Variants in CACNA2D3 observed in about 807,000 individuals in gnomAD.
The protein encoded by CACNA2D3 is voltage-dependent calcium channel subunit alpha-2/delta-3.
CACNA2D3 carries 60 observed loss-of-function variants against 160.6 expected under a neutral mutation model. The observed-to-expected ratio is 0.37, with a 90% confidence interval of 0.30 to 0.46. CACNA2D3 has a LOEUF of 0.46. Among genes scored for constraint, CACNA2D3 ranks in the 20% least tolerant of loss-of-function variants. CACNA2D3 has a pLI of 1.00. For missense variants in CACNA2D3, 1,205 were observed against 1,365.0 expected (o/e 0.88, Z 1.85); for synonymous variants, 558 against 492.9 (o/e 1.13, Z -1.75).
chr3:54,932,210 A>G (rs959871396), intron 27 of CACNA2D3, among the ~76,000 whole-genome samples: 15 of 152,158 alleles, frequency 9.9e-5, no homozygotes, highest in African/African-American at 3.6e-4. Flanking sequence ...AAAAAGAATA[A>G]TTAGAACTAA....
rs3796235 is a variant in CACNA2D3 at position 54,954,246 on chromosome 3, C to T, written c.2450-14204C>T. Among the ~76,000 whole-genome samples, 65 of 152,330 alleles carry T rather than the reference C, an allele frequency of 4.3e-4. 1 individual carries two copies. The East Asian group carries it at 0.012, about 29-fold the overall frequency. ...CCTCATTCCAAGGGAAGGTCACCTT[C>T]GAGTCAGTCGGCAGCTCCCTGGGCC... is the stretch of plus-strand genomic sequence containing the variant. On this transcript the variant is annotated intron_variant, in intron 27 of 37. Coordinates refer to ENST00000474759, the MANE Select transcript of CACNA2D3 (RefSeq NM_018398.3).
intron 29 of CACNA2D3, among the ~76,000 whole-genome samples, chr3:54,980,170 A>G (rs577776759): frequency 6.6e-6 from 1 of 152,302 alleles, no homozygotes; most frequent in African/African-American, 2.4e-5. Flanking sequence ...CCAATTCTTA[A>G]TAAAACCTTA....
chr3:54,493,366 C>T (rs755043716), intron 4 of CACNA2D3, among the ~76,000 whole-genome samples: 4 of 152,096 alleles, frequency 2.6e-5, no homozygotes, highest in African/African-American at 4.8e-5. Context: ...CGTGAGCAAC[C>T]GCGCATGGCC....
At chr3:54,839,541 C>G (rs1331176511) in intron 16 of CACNA2D3, among the ~76,000 whole-genome samples, 1 of 152,168 alleles carries the variant, frequency 6.6e-6, no homozygotes, top group Non-Finnish European at 1.5e-5. Flanking sequence ...CCCCCTTCTC[C>G]CCCAGCACCA....
intron 2 of CACNA2D3, among the ~76,000 whole-genome samples, chr3:54,158,733 A>G (rs186145091): frequency 1.2e-4 from 18 of 152,326 alleles, no homozygotes; most frequent in Non-Finnish European, 1.3e-4. Context: ...TCATTTGCTC[A>G]CTTAGCAAGC....
chr3:54,983,713 T>C (rs1702554352), intron 29 of CACNA2D3, among the ~76,000 whole-genome samples: 1 of 152,220 alleles, frequency 6.6e-6, no homozygotes, highest in African/African-American at 2.4e-5. Flanking sequence ...TAGGCAAATG[T>C]CCCAGAAAAC....
At chr3:54,856,411 T>A (rs564469254) in intron 17 of CACNA2D3, among the ~76,000 whole-genome samples, 1 of 152,232 alleles carries the variant, frequency 6.6e-6, no homozygotes, top group East Asian at 1.9e-4. Flanking sequence ...AGTTACTTGC[T>A]CATTTGTGTG....
chr3:54,814,795 C>G (rs1459486003), intron 13 of CACNA2D3, among the ~76,000 whole-genome samples: 1 of 152,084 alleles, frequency 6.6e-6, no homozygotes, highest in African/African-American at 2.4e-5. Flanking sequence ...GAGGTGTTTC[C>G]TGCTCAACAA....
At position 54,750,242 on chromosome 3, in the gene CACNA2D3, C is replaced by G. The variant is rs570351641; in HGVS notation, c.1168-2357C>G. Among the ~76,000 whole-genome samples the G allele has an allele frequency of 3.9e-5, 6 of 152,260 alleles. No individual in the cohort carries two copies. In the East Asian group the frequency reaches 7.7e-4, roughly 20 times the overall value. Reference sequence around the variant, plus strand: ...GCTGGCACTCACAGCCACTTTTGCTCAAAAATATGGGTTGTTTTGTGTTGG... The same window carrying G: ...GCTGGCACTCACAGCCACTTTTGCTGAAAAATATGGGTTGTTTTGTGTTGG... On this transcript the variant is annotated intron_variant, in intron 11 of 37. Coordinates refer to ENST00000474759, the MANE Select transcript of CACNA2D3 (RefSeq NM_018398.3).
At chr3:54,576,558 T>C (rs963097959) in intron 8 of CACNA2D3, among the ~76,000 whole-genome samples, 2 of 152,238 alleles carry the variant, frequency 1.3e-5, no homozygotes, top group African/African-American at 4.8e-5. Context: ...TATGATGATG[T>C]GTCCCTTGCC....
rs958228093 is a variant in CACNA2D3 at position 54,764,612 on chromosome 3, T to C, written c.1380+261T>C. On this transcript the variant is annotated intron_variant, in intron 13 of 37. Coordinates refer to ENST00000474759, the MANE Select transcript of CACNA2D3 (RefSeq NM_018398.3). Reference sequence around the variant, plus strand: ...TTTGCTTGTCTTTTCTCGTTACTTCTGTCCCACTTTTTCACATGTGTTCAA... The same window carrying C: ...TTTGCTTGTCTTTTCTCGTTACTTCCGTCCCACTTTTTCACATGTGTTCAA... Among the ~76,000 whole-genome samples, 2 of 152,234 alleles carry C rather than the reference T, an allele frequency of 1.3e-5. 1 individual carries two copies. The highest frequency in any genetic ancestry group is 4.8e-5 in the African/African-American group (2 of 41,470).
chr3:54,129,206 T>C (rs757682011), intron 2 of CACNA2D3, among the ~76,000 whole-genome samples: 14 of 152,254 alleles, frequency 9.2e-5, no homozygotes, highest in Non-Finnish European at 1.9e-4. Context: ...CTTTGGCCTG[T>C]ACTTACAGCT....
chr3:54,685,047 C>T (rs948356845), intron 11 of CACNA2D3, among the ~76,000 whole-genome samples: 2 of 152,124 alleles, frequency 1.3e-5, no homozygotes, highest in South Asian at 2.1e-4. Context: ...CCTGCATGTG[C>T]GTCTTGGCAG....
rs529562362 is a variant in CACNA2D3 at position 54,404,039 on chromosome 3, G to T, written c.381+17265G>T. Reference sequence around the variant, plus strand: ...AAAGCCCAGGACCAGATGGCTTTACGGCTGAATTATACTACATTTTCAAAC... The same window carrying T: ...AAAGCCCAGGACCAGATGGCTTTACTGCTGAATTATACTACATTTTCAAAC... On this transcript the variant is annotated intron_variant, in intron 4 of 37. Transcript: ENST00000474759. 2.6e-5 allele frequency among the ~76,000 whole-genome samples: 4 copies of T among 152,202 alleles called. No homozygotes were observed. The South Asian group carries it at 6.2e-4, about 24-fold the overall frequency.
At chr3:54,399,943 A>G (rs561728289) in intron 4 of CACNA2D3, among the ~76,000 whole-genome samples, 2 of 117,522 alleles carry the variant, frequency 1.7e-5, no homozygotes, top group East Asian at 2.5e-4. Context: ...TGTGCTAGCA[A>G]TCAGCGAGAT....
chr3:54,302,404 A>G (rs577360548), intron 2 of CACNA2D3, among the ~76,000 whole-genome samples: 4 of 152,278 alleles, frequency 2.6e-5, no homozygotes, highest in Middle Eastern at 3.4e-3. Flanking sequence ...CCATTCAGGT[A>G]TTTGGAAGGT....
chr3:54,559,769 G>T (rs1312006798), intron 5 of CACNA2D3, among the ~76,000 whole-genome samples: 1 of 152,252 alleles, frequency 6.6e-6, no homozygotes, highest in Middle Eastern at 3.4e-3. Context: ...AAAGGCCCCA[G>T]TGTGTGTTGT....
intron 11 of CACNA2D3, among the ~76,000 whole-genome samples, chr3:54,664,606 C>T (rs544137705): frequency 5.3e-5 from 8 of 152,332 alleles, no homozygotes; most frequent in Non-Finnish European, 1.2e-4. Context: ...CTCTCATTTT[C>T]CTCTTGTTGA....
chr3:54,202,313 G>A (rs1701193635), intron 2 of CACNA2D3, among the ~76,000 whole-genome samples: 1 of 152,198 alleles, frequency 6.6e-6, no homozygotes, highest in African/African-American at 2.4e-5. Context: ...GAAATGTGGG[G>A]CACCTCTGTG....
Sources: gnomAD v4.1 joint callset for allele counts (sites outside exome capture counted in the v4.1 genomes callset) on GRCh38, gnomAD v4.1.1 for gene constraint, MANE v1.5 for transcripts, NCBI Gene and HGNC (gene_info 2026-07-23, HGNC 2026-07-21) for gene names.